NOVA2: variants seen among roughly 807,000 people sequenced by gnomAD.
The protein encoded by NOVA2 is RNA-binding protein Nova-2.
NOVA2 carries 9 observed loss-of-function variants against 22.5 expected under a neutral mutation model. The ratio of observed to expected loss-of-function variants is 0.40; its 90% CI spans 0.24 to 0.70. NOVA2 has a LOEUF of 0.70. Among genes scored for constraint, NOVA2 ranks in the 30% least tolerant of loss-of-function variants. The probability of loss-of-function intolerance (pLI) is 0.38; values close to 1 mark genes in which losing one functional copy is unlikely to be tolerated. For synonymous variants in NOVA2, 318 were observed against 335.2 expected (o/e 0.95, Z 0.56); for missense variants, 383 against 682.8 (o/e 0.56, Z 4.89).
At chr19:45,942,165 A>G (rs1967770454) in intron 3 of NOVA2, among the ~76,000 whole-genome samples, 2 of 152,146 alleles carry the variant, frequency 1.3e-5, no homozygotes, top group Admixed American at 6.6e-5. Context: ...ATGGGCTGAC[A>G]CTGTGTCCCC....
intron 3 of NOVA2, among the ~76,000 whole-genome samples, chr19:45,945,514 A>G (rs1363320959): frequency 1.3e-5 from 2 of 152,018 alleles, no homozygotes; most frequent in Non-Finnish European, 2.9e-5. Context: ...ATCAGAGCTC[A>G]CTGCAGCCTT....
intron 1 of NOVA2, among the ~76,000 whole-genome samples, chr19:45,965,371 T>G (rs1968154902): frequency 6.6e-6 from 1 of 152,186 alleles, no homozygotes; most frequent in Non-Finnish European, 1.5e-5. Flanking sequence ...CCCTCTCTCT[T>G]GTACTTCTTT....
At chr19:45,958,425 A>G (rs964440711) in intron 2 of NOVA2, among the ~76,000 whole-genome samples, 1 of 148,124 alleles carries the variant, frequency 6.8e-6, no homozygotes, top group African/African-American at 2.5e-5. Flanking sequence ...TGTGAGTGTG[A>G]ATGAGTGTGA....
At position 45,936,337 on chromosome 19, in the gene NOVA2, T is replaced by C. The variant is rs1967652002; in HGVS notation, c.*3526A>G. On this transcript the variant is annotated 3_prime_UTR_variant, in exon 4 of 4. Transcript: ENST00000263257. The stretch of plus-strand genomic sequence containing the variant: ...TTGGGGGGACCCAAAAGGATAGGGG[T>C]AAGTTGAAAAGGAGAGCTTTTTTCT... 1 of 151,524 alleles carries C rather than the reference T, an allele frequency of 6.6e-6. No individual in the cohort carries two copies. The highest frequency in any genetic ancestry group is 2.1e-4 in the South Asian group (1 of 4,818). The allele number at this position is 151,524 out of a possible 1,614,324, so 9.4% of individuals were successfully genotyped here. A position where few individuals can be genotyped will look rare whatever the true frequency, so the allele number is the denominator to read the frequency against.
At chr19:45,972,531 C>A (rs561168129) in intron 1 of NOVA2, among the ~76,000 whole-genome samples, 3 of 152,258 alleles carry the variant, frequency 2.0e-5, no homozygotes, top group African/African-American at 7.2e-5. Flanking sequence ...CAAGCACACA[C>A]CTTTCCTTGT....
In NOVA2 at chr19:45,940,876, C is replaced by G. The variant is rs200399286; in HGVS notation, c.466G>C (p.Val156Leu). ...IGKGGATVKA[V>L]MEQSGAWVQL... Reference sequence around the variant, plus strand: ...ACCCATGCTCCTGACTGTTCCATCACGGCTTTCACCGTGGCGCCTCCCTTG... The same window carrying G: ...ACCCATGCTCCTGACTGTTCCATCAGGGCTTTCACCGTGGCGCCTCCCTTG... Residue 156 changes from valine (V) to leucine (L), a missense_variant, in exon 4 of 4, where the codon GTG becomes CTG. Physicochemically the swap from Val to Leu is conservative, Grantham distance 32. Transcript: ENST00000263257. 6.2e-7 allele frequency: 1 copy of G among 1,606,118 alleles called. No homozygotes were observed. Among genetic ancestry groups the G allele is most frequent in the Non-Finnish European group, 8.5e-7 (1 of 1,179,952 alleles).
intron 2 of NOVA2, among the ~76,000 whole-genome samples, chr19:45,957,537 C>T (rs1242323823): frequency 7.0e-6 from 1 of 143,650 alleles, no homozygotes; most frequent in Non-Finnish European, 1.5e-5. Context: ...GAATCTCTGT[C>T]TAAAAAAAAA....
Position 45,963,102 on chromosome 19 carries a change from C to T in NOVA2, c.86-1949G>A, listed in dbSNP as rs1185597405. 2.0e-5 allele frequency among the ~76,000 whole-genome samples: 3 copies of T among 152,164 alleles called. No homozygotes were observed. In the East Asian group the frequency reaches 5.8e-4, roughly 30 times the overall value. On this transcript the variant is annotated intron_variant, in intron 1 of 3. Coordinates refer to ENST00000263257, the MANE Select transcript of NOVA2 (RefSeq NM_002516.4). Reference sequence around the variant, plus strand: ...TAAGAAGACCCTTTGCGGCCGGGAGCGGTAGCTCACGCCTGTAATCCCAGC... The same window carrying T: ...TAAGAAGACCCTTTGCGGCCGGGAGTGGTAGCTCACGCCTGTAATCCCAGC...
Position 45,961,157 on chromosome 19 carries a change from C to T in NOVA2, c.86-4G>A, listed in dbSNP as rs369518352. The T allele has an allele frequency of 1.3e-6, 2 of 1,558,518 alleles. No homozygotes were observed. Among genetic ancestry groups the T allele is most frequent in the Non-Finnish European group, 1.7e-6 (2 of 1,149,818 alleles). On this transcript the variant is annotated splice_polypyrimidine_tract_variant and splice_region_variant and intron_variant, in intron 1 of 3. Transcript: ENST00000263257. ...TTCAGGAAGTATTCGCCTTCCTCTG[C>T]GGGGGCACACAGGGTGGAGGGGAGT...
Position 45,936,502 on chromosome 19 carries a change from C to T in NOVA2, c.*3361G>A, listed in dbSNP as rs1967654447. On this transcript the variant is annotated 3_prime_UTR_variant, in exon 4 of 4. Coordinates refer to ENST00000263257, the MANE Select transcript of NOVA2 (RefSeq NM_002516.4). Reference sequence around the variant, plus strand: ...TCCTCAAAGAGAAATGGTCCCATTTCCTCCCCTCTATCCAAGGTCCTCTCC... The same window carrying T: ...TCCTCAAAGAGAAATGGTCCCATTTTCTCCCCTCTATCCAAGGTCCTCTCC... 1 of 151,758 alleles carries T rather than the reference C, an allele frequency of 6.6e-6. No individual in the cohort carries two copies. The highest frequency in any genetic ancestry group is 2.4e-5 in the African/African-American group (1 of 41,300). 9.4% of individuals were successfully genotyped at this position (151,758 alleles called of 1,614,324 possible).
intron 3 of NOVA2, among the ~76,000 whole-genome samples, chr19:45,945,838 ATT>A (rs113215875): frequency 2.1e-5 from 3 of 144,620 alleles, no homozygotes; most frequent in Non-Finnish European, 3.1e-5. Context: ...TATTATTATT[ATT>A]TTTTTTTTTT....
In NOVA2 at chr19:45,973,577, GGGGGA is replaced by G. The variant is rs1224398894; in HGVS notation, c.-231_-227del. The G allele has an allele frequency of 1.1e-4, 8 of 74,446 alleles. No homozygotes were observed. Among genetic ancestry groups the G allele is most frequent in the Non-Finnish European group, 5.8e-5 (2 of 34,394 alleles). 4.6% of individuals were successfully genotyped at this position (74,446 alleles called of 1,614,324 possible). ...GGGGCGGGGGGCGGGGGGCGGGGGA[GGGGGA>G]GGGGAGGGGAGGTGGGAGGGGGAGG... On this transcript the variant is annotated 5_prime_UTR_variant, in exon 1 of 4. Transcript: ENST00000263257.
At chr19:45,952,847 T>C (rs929224594) in intron 3 of NOVA2, among the ~76,000 whole-genome samples, 2 of 152,112 alleles carry the variant, frequency 1.3e-5, no homozygotes, top group African/African-American at 4.8e-5. Context: ...CCCATGAGCT[T>C]AGGGGAACTC....
At chr19:45,971,609 C>G (rs532546359) in intron 1 of NOVA2, among the ~76,000 whole-genome samples, 19 of 152,126 alleles carry the variant, frequency 1.2e-4, no homozygotes, top group African/African-American at 4.3e-4. Flanking sequence ...GGAAGAAAGT[C>G]GGCTTGTATT....
Position 45,933,985 on chromosome 19 carries a change from G to A in NOVA2, c.*5878C>T, listed in dbSNP as rs1379406241. The A allele has an allele frequency of 6.5e-6, 1 of 152,748 alleles. No homozygotes were observed. Among genetic ancestry groups the A allele is most frequent in the Non-Finnish European group, 1.5e-5 (1 of 68,494 alleles). The allele number at this position is 152,748 out of a possible 1,614,324, so 9.5% of individuals were successfully genotyped here. On this transcript the variant is annotated 3_prime_UTR_variant, in exon 4 of 4. Coordinates refer to ENST00000263257, the MANE Select transcript of NOVA2 (RefSeq NM_002516.4). Reference sequence around the variant, plus strand: ...TCTGGAGGTGGTGGGCAGGAGGCGGGCGGCGTCTCTGGTCGCAGAGGATGG... The same window carrying A: ...TCTGGAGGTGGTGGGCAGGAGGCGGACGGCGTCTCTGGTCGCAGAGGATGG...
At chr19:45,961,440 C>T (rs11667587) in intron 1 of NOVA2, among the ~76,000 whole-genome samples, 11,267 of 151,932 alleles carry the variant, frequency 0.074, 479 homozygotes, top group East Asian at 0.13. Context: ...AGAGCTCGCA[C>T]AGCTAGCTAC....
At chr19:45,957,961 A>G (rs970044721) in intron 2 of NOVA2, among the ~76,000 whole-genome samples, 4 of 151,626 alleles carry the variant, frequency 2.6e-5, no homozygotes, top group Non-Finnish European at 5.9e-5. Context: ...AAAATAAAAA[A>G]ATTAGTTGGG....
rs1041423843 is a variant in NOVA2 at position 45,964,159 on chromosome 19, CTT to C, written c.86-3008_86-3007del. Among the ~76,000 whole-genome samples, 12 of 143,520 alleles carry C rather than the reference CTT, an allele frequency of 8.4e-5. No individual in the cohort carries two copies. The South Asian group carries it at 1.8e-3, about 21-fold the overall frequency. The allele number at this position is 143,520 out of a possible 152,430, so 94.2% of individuals were successfully genotyped here. On this transcript the variant is annotated intron_variant, in intron 1 of 3. Transcript: ENST00000263257. The stretch of plus-strand genomic sequence containing the variant: ...CTTTTAAGCAAAGGAAGCCTATTTT[CTT>C]TTTTTCTTTTTCTTTTTCTTTTTTT...
chr19:45,969,078 G>C (rs1451681166), intron 1 of NOVA2, among the ~76,000 whole-genome samples: 1 of 152,314 alleles, frequency 6.6e-6, no homozygotes, highest in East Asian at 1.9e-4. Context: ...AGAATTGCTT[G>C]AACTCAGGAG....
Sources: allele counts gnomAD v4.1 joint callset (sites outside exome capture counted in the v4.1 genomes callset), GRCh38; gene constraint gnomAD v4.1.1; transcripts MANE v1.5; gene names NCBI Gene and HGNC (gene_info 2026-07-23, HGNC 2026-07-21).